The following TMCO4 variants were observed in gnomAD, a reference collection of about 807,000 sequenced individuals.
The protein encoded by TMCO4 is transmembrane and coiled-coil domains 4, also known as transmembrane and coiled-coil domain-containing protein 4.
TMCO4 carries 58 observed loss-of-function variants against 64.7 expected under a neutral mutation model. The observed-to-expected ratio is 0.90, with a 90% CI of 0.73 to 1.12. TMCO4 has a LOEUF of 1.12. Ranked by LOEUF, TMCO4 falls within the 50% of genes most tolerant of loss-of-function variation. The probability of loss-of-function intolerance (pLI) is 0.00; values close to 1 mark genes in which losing one functional copy is unlikely to be tolerated. For missense variants in TMCO4, 780 were observed against 825.9 expected, an observed-to-expected ratio of 0.94 and a Z score of 0.68; for synonymous variants, 325 against 346.1, an observed-to-expected ratio of 0.94 and a Z score of 0.68.
chr1:19,770,475 A>G, intron 6 of TMCO4, 67 bp downstream of exon 6: 1 of 1,586,734 alleles, frequency 6.3e-7, no homozygotes, highest in Non-Finnish European at 8.7e-7. Context: ...GGCACCTCTC[A>G]CTGGCTTTGC....
At chr1:19,728,981 A>C (rs1042098480) in intron 13 of TMCO4, among the ~76,000 whole-genome samples, 4 of 152,134 alleles carry the variant, frequency 2.6e-5, no homozygotes, top group Non-Finnish European at 5.9e-5. Flanking sequence ...GTGAAGTTCT[A>C]ATATGTGTTC....
At chr1:19,702,128 C>G (rs573653004) in intron 13 of TMCO4, among the ~76,000 whole-genome samples, 1 of 152,070 alleles carries the variant, frequency 6.6e-6, no homozygotes, top group Non-Finnish European at 1.5e-5. Flanking sequence ...CGCCACCACA[C>G]CCGGCTAATC....
In TMCO4 at chr1:19,724,136, C is replaced by T. The variant is rs142840841; in HGVS notation, c.1264+13236G>A. 5.9e-3 allele frequency among the ~76,000 whole-genome samples: 893 copies of T among 152,314 alleles called. 15 individuals carry two copies. The highest frequency in any genetic ancestry group is 0.02 in the African/African-American group (848 of 41,556). On this transcript the variant is annotated intron_variant, in intron 13 of 15. Transcript: ENST00000294543. ...GATTAAATGAATCCCACTTCTGTAACTCACTCCCCTGAGAGCTGCCAGTTG... is the reference window on the plus strand; with the variant it reads ...GATTAAATGAATCCCACTTCTGTAATTCACTCCCCTGAGAGCTGCCAGTTG...
At chr1:19,762,167 T>C (rs2042533716) in intron 6 of TMCO4, among the ~76,000 whole-genome samples, 1 of 152,212 alleles carries the variant, frequency 6.6e-6, no homozygotes, top group Non-Finnish European at 1.5e-5. Context: ...TAAAGGCAAA[T>C]GCCTTACTCT....
intron 15 of TMCO4, among the ~76,000 whole-genome samples, chr1:19,684,065 T>C (rs1177366039): frequency 1.5e-5 from 1 of 67,202 alleles, no homozygotes; most frequent in South Asian, 5.6e-4. Flanking sequence ...CCCGGCAGCT[T>C]TTTTTTTTTT....
chr1:19,744,657 T>C (rs1490597354), intron 10 of TMCO4, among the ~76,000 whole-genome samples: 2 of 152,214 alleles, frequency 1.3e-5, no homozygotes, highest in East Asian at 3.8e-4. Context: ...TGTGCTCTTT[T>C]GGTTCTTTCA....
chr1:19,791,838 C>T (rs1186238213), intron 2 of TMCO4, among the ~76,000 whole-genome samples: 1 of 152,158 alleles, frequency 6.6e-6, no homozygotes, highest in Non-Finnish European at 1.5e-5. Flanking sequence ...TGTGAAGACA[C>T]CAAATGATAT....
chr1:19,737,337 A>T (rs763438301), intron 13 of TMCO4, 35 bp downstream of exon 13: 2 of 1,591,686 alleles, frequency 1.3e-6, no homozygotes, highest in Non-Finnish European at 1.7e-6. Context: ...CAAGCTTGTG[A>T]AGGGTTTCCG....
At chr1:19,729,616 A>T (rs1012235757) in intron 13 of TMCO4, among the ~76,000 whole-genome samples, 5 of 151,844 alleles carry the variant, frequency 3.3e-5, no homozygotes, top group Non-Finnish European at 7.4e-5. Context: ...AAATACAAAA[A>T]TTAGCTGGGT....
intron 12 of TMCO4, 74 bp downstream of exon 12, chr1:19,739,750 G>T: frequency 6.4e-7 from 1 of 1,558,304 alleles, no homozygotes; most frequent in South Asian, 1.2e-5. Flanking sequence ...CTCTAAGGCT[G>T]ATATCTGTGA....
At position 19,771,562 on chromosome 1, in the gene TMCO4, C is replaced by T. The variant is rs1437692179; in HGVS notation, c.180-80G>A. 1.8e-5 allele frequency: 25 copies of T among 1,426,176 alleles called. 1 individual carries two copies. The South Asian group carries it at 2.5e-4, about 14-fold the overall frequency. The allele number at this position is 1,426,176 out of a possible 1,614,324, so 88.3% of individuals were successfully genotyped here. Reference sequence around the variant, plus strand: ...GGGCAGTGTAGATTAGTTGTGGTCACGGATGTGAACAGCTGGCACGTGCCT... The same window carrying T: ...GGGCAGTGTAGATTAGTTGTGGTCATGGATGTGAACAGCTGGCACGTGCCT... On this transcript the variant is annotated intron_variant, in intron 4 of 15. Coordinates refer to ENST00000294543, the MANE Select transcript of TMCO4 (RefSeq NM_181719.7).
chr1:19,716,549 G>GT (rs1038681421), intron 13 of TMCO4, among the ~76,000 whole-genome samples: 241 of 151,134 alleles, frequency 1.6e-3, no homozygotes, highest in Admixed American at 2.4e-3. Flanking sequence ...GTTTTGTTTT[G>GT]TTTTTTTTAA....
intron 10 of TMCO4, among the ~76,000 whole-genome samples, chr1:19,744,891 T>C (rs887802395): frequency 6.6e-6 from 1 of 152,210 alleles, no homozygotes; most frequent in Non-Finnish European, 1.5e-5. Context: ...GTAGAGGCCA[T>C]GGCTGTGCTG....
intron 7 of TMCO4, among the ~76,000 whole-genome samples, chr1:19,747,835 T>C (rs1386353019): frequency 1.3e-5 from 2 of 152,204 alleles, no homozygotes; most frequent in Non-Finnish European, 2.9e-5. Flanking sequence ...CCCTGAGAAC[T>C]GCTGTTGTGA....
chr1:19,781,938 G>A (rs1473749550), intron 3 of TMCO4, among the ~76,000 whole-genome samples: 5 of 152,206 alleles, frequency 3.3e-5, no homozygotes, highest in Admixed American at 6.5e-5. Flanking sequence ...GAGCCACCAC[G>A]CCTGGCTGCA....
chr1:19,742,216 C>G (rs977737512), intron 10 of TMCO4, among the ~76,000 whole-genome samples: 1 of 152,180 alleles, frequency 6.6e-6, no homozygotes, highest in African/African-American at 2.4e-5. Flanking sequence ...GCACCCTCCA[C>G]TTTTCCCCAT....
At chr1:19,747,998 T>C (rs1160818492) in intron 7 of TMCO4, among the ~76,000 whole-genome samples, 1 of 152,182 alleles carries the variant, frequency 6.6e-6, no homozygotes, top group Admixed American at 6.5e-5. Flanking sequence ...CAAAGCATGG[T>C]GATAATCAAA....
intron 13 of TMCO4, among the ~76,000 whole-genome samples, chr1:19,704,241 C>T (rs1174302127): frequency 6.6e-6 from 1 of 152,248 alleles, no homozygotes; most frequent in African/African-American, 2.4e-5. Context: ...TTTAAAACTT[C>T]AGTAAGCTGA....
At chr1:19,735,035 C>T (rs1415513814) in intron 13 of TMCO4, among the ~76,000 whole-genome samples, 2 of 152,172 alleles carry the variant, frequency 1.3e-5, no homozygotes, top group Non-Finnish European at 2.9e-5. Flanking sequence ...ACTCACAGTG[C>T]ACTGGGCACT....
Sources: gnomAD v4.1 joint callset for allele counts (sites outside exome capture counted in the v4.1 genomes callset) on GRCh38, gnomAD v4.1.1 for gene constraint, MANE v1.5 for transcripts, NCBI Gene and HGNC (gene_info 2026-07-23, HGNC 2026-07-21) for gene names.